GALNT9: variants seen among roughly 807,000 people sequenced by gnomAD.
The protein encoded by GALNT9 is polypeptide N-acetylgalactosaminyltransferase 9, also known as GalNAc transferase 9.
GALNT9 carries 47 observed loss-of-function variants against 63.1 expected under a neutral mutation model. That is an observed-to-expected ratio of 0.75 (90% CI 0.59 to 0.95). The LOEUF is 0.95. Ranked by LOEUF, GALNT9 falls within the 40% of genes least tolerant of loss-of-function variation. GALNT9 has a pLI of 0.00. For missense variants in GALNT9, 829 were observed against 874.8 expected, an observed-to-expected ratio of 0.95 and a Z score of 0.66; for synonymous variants, 396 against 365.7, an observed-to-expected ratio of 1.08 and a Z score of -0.94.
In GALNT9 at chr12:132,238,956, G is replaced by A. The variant is rs1350120153; in HGVS notation, c.1077+8954C>T. Among the ~76,000 whole-genome samples the A allele has an allele frequency of 6.6e-6, 1 of 152,220 alleles. No individual in the cohort carries two copies. The highest frequency in any genetic ancestry group is 2.4e-5 in the African/African-American group (1 of 41,448). On this transcript the variant is annotated intron_variant, in intron 6 of 10. Coordinates refer to ENST00000328957, the MANE Select transcript of GALNT9 (RefSeq NM_001122636.2). The surrounding 1 kb of genome is among the most constrained non-coding windows in gnomAD (Gnocchi z 6.5). ...ATAAGATACACACCGCAGTTAAAGT[G>A]GTTGGATACCACAGTCTGGAAGGCT...
intron 1 of GALNT9, among the ~76,000 whole-genome samples, chr12:132,287,197 G>A (rs1555242300): frequency 6.6e-6 from 1 of 151,932 alleles, no homozygotes; most frequent in Non-Finnish European, 1.5e-5. Flanking sequence ...TTCCTGCATC[G>A]GGCAGCATTG....
chr12:132,324,826 G>A (rs925126269), intron 1 of GALNT9, among the ~76,000 whole-genome samples: 8 of 151,964 alleles, frequency 5.3e-5, no homozygotes, highest in East Asian at 1.9e-4. Flanking sequence ...AGTGTTTTGC[G>A]TCCGGATTAA....
At chr12:132,274,646 T>A (rs944492444) in intron 2 of GALNT9, 3 of 152,230 alleles carry the variant, frequency 2.0e-5, no homozygotes, top group Non-Finnish European at 2.9e-5. Context: ...AGGCAGGTGA[T>A]GAGCGGGCGT....
intron 6 of GALNT9, among the ~76,000 whole-genome samples, chr12:132,224,946 CCA>C (rs1463181415): frequency 2.0e-5 from 3 of 150,278 alleles, no homozygotes; most frequent in East Asian, 2.0e-4. Flanking sequence ...AACCCACACC[CCA>C]CACACTGTAC....
intron 2 of GALNT9, among the ~76,000 whole-genome samples, chr12:132,269,288 C>A (rs530220899): frequency 6.6e-6 from 1 of 152,126 alleles, no homozygotes; most frequent in Non-Finnish European, 1.5e-5. Context: ...GAGGACTCGT[C>A]GAGTGTGATT....
intron 5 of GALNT9, among the ~76,000 whole-genome samples, chr12:132,255,485 A>G (rs535275761): frequency 3.2e-4 from 48 of 152,246 alleles, no homozygotes; most frequent in African/African-American, 1.1e-3. Flanking sequence ...AACATTTACA[A>G]TCTCCTCCTT....
At position 132,214,701 on chromosome 12, in the gene GALNT9, C is replaced by T. The variant is rs117880439; in HGVS notation, c.1078-11011G>A. 9.1e-4 allele frequency among the ~76,000 whole-genome samples: 138 copies of T among 152,352 alleles called. 2 individuals are homozygous for T. The East Asian group carries it at 0.024, about 27-fold the overall frequency. On this transcript the variant is annotated intron_variant, in intron 6 of 10. Transcript: ENST00000328957. ...GTCCAGCCTGGTGCCTCCTGGGTGGCCCTGCCTGGTGGTACCCCCTTCTCT... is the reference window on the plus strand; with the variant it reads ...GTCCAGCCTGGTGCCTCCTGGGTGGTCCTGCCTGGTGGTACCCCCTTCTCT...
At chr12:132,256,013 AG>A (rs1555239034) in intron 5 of GALNT9, among the ~76,000 whole-genome samples, 1 of 152,164 alleles carries the variant, frequency 6.6e-6, no homozygotes, top group East Asian at 1.9e-4. Context: ...TTGGGATTAC[AG>A]GCATGAACCA....
Position 132,199,248 on chromosome 12 carries a change from C to T in GALNT9, c.1423G>A (p.Ala475Thr). The T allele has an allele frequency of 1.9e-6, 3 of 1,604,868 alleles. No homozygotes were observed. Among genetic ancestry groups the T allele is most frequent in the Non-Finnish European group, 1.7e-6 (2 of 1,179,246 alleles). Residue 475 changes from alanine (A) to threonine (T), a missense_variant, in exon 9 of 11, where the codon GCC becomes ACC. Physicochemically the swap from Ala to Thr is moderately conservative, Grantham distance 58. Coordinates refer to ENST00000328957, the MANE Select transcript of GALNT9 (RefSeq NM_001122636.2). ...YGEVRNSKAS[A>T]YCLDQGAEDG... ...TCCGCTCCCTGGTCCAGACAGTAGGCACTGGCTTTGCTGTTTCTCACCTGC... is the reference window on the plus strand; with the variant it reads ...TCCGCTCCCTGGTCCAGACAGTAGGTACTGGCTTTGCTGTTTCTCACCTGC...
chr12:132,228,576 C>T lies in GALNT9; in HGVS notation c.1077+19334G>A, dbSNP rs987254172. ...ATTAACAGGATCTTGATGAACCCAC[C>T]CCCTTGGAGAATTGCAAAAGCCACC... On this transcript the variant is annotated intron_variant, in intron 6 of 10. Coordinates refer to ENST00000328957, the MANE Select transcript of GALNT9 (RefSeq NM_001122636.2). 5.0e-4 allele frequency among the ~76,000 whole-genome samples: 76 copies of T among 151,956 alleles called. 1 individual carries two copies. The highest frequency in any genetic ancestry group is 1.3e-4 in the Non-Finnish European group (9 of 67,964).
chr12:132,262,960 C>A (rs1879460035), intron 2 of GALNT9, among the ~76,000 whole-genome samples: 1 of 152,206 alleles, frequency 6.6e-6, no homozygotes, highest in African/African-American at 2.4e-5. Flanking sequence ...TCAGCACACA[C>A]ATGGCCCCTG....
intron 2 of GALNT9, among the ~76,000 whole-genome samples, chr12:132,268,563 T>TA (rs1566006606): frequency 6.6e-6 from 1 of 152,078 alleles, no homozygotes; most frequent in South Asian, 2.1e-4. Flanking sequence ...TTTATCAAAA[T>TA]AAAAAACCAT....
chr12:132,305,590 C>T (rs1289961925), intron 1 of GALNT9, among the ~76,000 whole-genome samples: 5 of 145,158 alleles, frequency 3.4e-5, no homozygotes, highest in Non-Finnish European at 7.5e-5. Context: ...CGCCCTCACC[C>T]GGGCACAACC....
chr12:132,328,902 G>A (rs1342784524), intron 1 of GALNT9, 64 bp downstream of exon 1: 2 of 1,422,644 alleles, frequency 1.4e-6, no homozygotes, highest in East Asian at 2.7e-5. Flanking sequence ...CTGACCCATC[G>A]CGCCCGGGGT....
At chr12:132,255,952 G>A (rs1046849127) in intron 5 of GALNT9, among the ~76,000 whole-genome samples, 1 of 152,072 alleles carries the variant, frequency 6.6e-6, no homozygotes, top group Non-Finnish European at 1.5e-5. Flanking sequence ...CCCCATGAGG[G>A]AGGGCGAACT....
At chr12:132,284,618 G>C (rs1011375439) in intron 2 of GALNT9, 2 of 152,264 alleles carry the variant, frequency 1.3e-5, no homozygotes, top group Non-Finnish European at 2.9e-5. Context: ...TCTGGATGTG[G>C]CTGAGGTGTC....
At chr12:132,287,821 G>A (rs1379908965) in intron 1 of GALNT9, among the ~76,000 whole-genome samples, 11 of 152,050 alleles carry the variant, frequency 7.2e-5, no homozygotes, top group African/African-American at 2.7e-4. Flanking sequence ...TGGAGATGCT[G>A]TTCCCAGGGG....
intron 10 of GALNT9, 114 bp downstream of exon 10, chr12:132,197,678 C>G (rs1313970226): frequency 8.7e-6 from 7 of 802,688 alleles, no homozygotes; most frequent in African/African-American, 1.7e-5. Flanking sequence ...CTGACCACCC[C>G]CTGCCGCACT....
At chr12:132,289,745 GC>G (rs1880737874) in intron 1 of GALNT9, among the ~76,000 whole-genome samples, 1 of 152,214 alleles carries the variant, frequency 6.6e-6, no homozygotes, top group Non-Finnish European at 1.5e-5. Context: ...GGGGCTCCAT[GC>G]CTCCCCTCAC....
Sources: gnomAD v4.1 joint callset for allele counts (sites outside exome capture counted in the v4.1 genomes callset) on GRCh38, gnomAD v4.1.1 for gene constraint, Gnocchi (gnomAD v3.1) non-coding constraint, MANE v1.5 for transcripts, NCBI Gene and HGNC (gene_info 2026-07-23, HGNC 2026-07-21) for gene names.